The following KRT39 variants were observed in gnomAD, a reference collection of about 807,000 sequenced individuals.
The protein encoded by KRT39 is keratin, type I cytoskeletal 39.
In KRT39, 47 loss-of-function variants were observed where a neutral mutation model predicts 54.8. The observed-to-expected ratio is 0.86, with a 90% CI of 0.68 to 1.09. The LOEUF is 1.09. Ranked by LOEUF, KRT39 falls within the 50% of genes least tolerant of loss-of-function variation. The probability of loss-of-function intolerance (pLI) is 0.00; values close to 1 mark genes in which losing one functional copy is unlikely to be tolerated. For synonymous variants in KRT39, 207 were observed against 227.9 expected (o/e 0.91, Z 0.83); for missense variants, 580 against 598.5 (o/e 0.97, Z 0.32).
intron 1 of KRT39, among the ~76,000 whole-genome samples, chr17:40,966,067 A>ATGTGTGTGTG (rs71300040): frequency 6.8e-6 from 1 of 147,308 alleles, no homozygotes; most frequent in Non-Finnish European, 1.5e-5. Flanking sequence ...TTGTGTGTGT[A>ATGTGTGTGTG]TGTGTGTGTG....
Position 40,958,642 on chromosome 17 carries a change from G to T in KRT39, c.1435C>A (p.His479Asn). ...KDGKVISSYE[H>N]VQPCFIIRPA... ...CTGATGATGAAACAAGGCTGCACATGCTCGTAAGAAGAAATGACCTTCCCA... is the reference window on the plus strand; with the variant it reads ...CTGATGATGAAACAAGGCTGCACATTCTCGTAAGAAGAAATGACCTTCCCA... Residue 479 changes from histidine to asparagine, a missense_variant, in exon 7 of 7, where the codon CAT becomes AAT. His to Asn is a moderately conservative substitution (Grantham distance 68). Transcript: ENST00000355612. The T allele has an allele frequency of 6.2e-7, 1 of 1,613,668 alleles. No individual in the cohort carries two copies. The highest frequency in any genetic ancestry group is 8.5e-7 in the Non-Finnish European group (1 of 1,179,814).
rs747061295 is a variant in KRT39, at chr17:40,962,599, A to G, written c.709-36T>C. ...AAAAAGACTGTGAAGTCACTTGGTG[A>G]ACAGATAACCCCTTTGTGTTCTTGT... On this transcript the variant is annotated intron_variant, in intron 3 of 6. Coordinates refer to ENST00000355612, the MANE Select transcript of KRT39 (RefSeq NM_213656.4). 3.2e-6 allele frequency: 5 copies of G among 1,583,984 alleles called. No homozygotes were observed. In the South Asian group the frequency reaches 5.7e-5, roughly 18 times the overall value.
Position 40,960,280 on chromosome 17 carries a change from C to A in KRT39, c.1217+1G>T, listed in dbSNP as rs1302499976. 1 of 1,610,632 alleles carries A rather than the reference C, an allele frequency of 6.2e-7. No individual in the cohort carries two copies. Among genetic ancestry groups the A allele is most frequent in the African/African-American group, 1.3e-5 (1 of 74,884 alleles). ...ATAGAAGTTGCTGTTATTTTACATA[C>A]TTGCCATCCGAGCTCTCCAGAAGGC... is the stretch of plus-strand genomic sequence containing the variant. On this transcript the variant is annotated splice_donor_variant, in intron 6 of 6. Coordinates refer to ENST00000355612, the MANE Select transcript of KRT39 (RefSeq NM_213656.4). LOFTEE classifies it high-confidence loss of function.
rs370308197 is a variant in KRT39 at position 40,962,161 on chromosome 17, C to T, written c.996+1G>A. The T allele has an allele frequency of 1.7e-5, 27 of 1,613,934 alleles. No homozygotes were observed. The highest frequency in any genetic ancestry group is 1.9e-5 in the Non-Finnish European group (23 of 1,179,966). ...CTAGGCTTGGTCAGCTTGCTCAGTA[C>T]CATTCGATGCTGGGCCTGCAGTTCA... On this transcript the variant is annotated splice_donor_variant, in intron 5 of 6. Transcript: ENST00000355612. LOFTEE classifies it high-confidence loss of function.
At position 40,966,634 on chromosome 17, in the gene KRT39, T is replaced by C. The variant is rs769812224; in HGVS notation, c.223A>G (p.Asn75Asp). 1 of 1,614,198 alleles carries C rather than the reference T, an allele frequency of 6.2e-7. No individual in the cohort carries two copies. Among genetic ancestry groups the C allele is most frequent in the South Asian group, 1.1e-5 (1 of 91,080 alleles). ...TCCAGAGAAAAACGGGCATTGAAGTTGTTCATTAGGTAGATGGGCTTGCGA... is the reference window on the plus strand; with the variant it reads ...TCCAGAGAAAAACGGGCATTGAAGTCGTTCATTAGGTAGATGGGCTTGCGA... ...FCRKPIYLMN[N>D]FNARFSLDDC... Residue 75 changes from asparagine (N) to aspartate (D), a missense_variant, in exon 1 of 7, where the codon AAC (asparagine) becomes GAC (aspartate). Coordinates refer to ENST00000355612, the MANE Select transcript of KRT39 (RefSeq NM_213656.4).
At chr17:40,960,171 C>G in intron 6 of KRT39, 110 bp downstream of exon 6, 2 of 891,830 alleles carry the variant, frequency 2.2e-6, no homozygotes, top group Non-Finnish European at 3.6e-6. Flanking sequence ...AGCTCCCCAT[C>G]ACTGGCAAGA....
Position 40,958,850 on chromosome 17 carries a change from A to G in KRT39, c.1227T>C (p.Cys409=). The change falls in exon 7 of 7, where the codon TGT becomes TGC. Residue 409 remains cysteine (C), a synonymous_variant. Transcript: ENST00000355612. The stretch of plus-strand genomic sequence containing the variant: ...GCTCACATTTGGTGGCACGTGGGTA[A>G]CAGGGACGCCTAAGGAAAAAAAACA... ...LLESSDGKRP[C]YPRATKCEPS... 1 of 1,594,900 alleles carries G rather than the reference A, an allele frequency of 6.3e-7. No individual in the cohort carries two copies. Among genetic ancestry groups the G allele is most frequent in the East Asian group, 2.3e-5 (1 of 44,348 alleles).
rs767497741 is a variant in KRT39, at chr17:40,964,548, C to T, written c.469-20G>A. The stretch of plus-strand genomic sequence containing the variant: ...CAAGATCTAGAATTAAGAGATTGTA[C>T]ACACAAATGAAGCAAACACCAAGAT... On this transcript the variant is annotated intron_variant, in intron 1 of 6. Coordinates refer to ENST00000355612, the MANE Select transcript of KRT39 (RefSeq NM_213656.4). 2.5e-5 allele frequency: 39 copies of T among 1,538,994 alleles called. 1 individual carries two copies. The Admixed American group carries it at 6.5e-4, about 26-fold the overall frequency.
intron 5 of KRT39, among the ~76,000 whole-genome samples, chr17:40,961,315 T>C (rs1911143850): frequency 6.6e-6 from 1 of 152,226 alleles, no homozygotes; most frequent in Non-Finnish European, 1.5e-5. Context: ...TCTGTAAGTC[T>C]ATGGATAATG....
chr17:40,966,067 ATGTGTGTG>A (rs71300040), intron 1 of KRT39, among the ~76,000 whole-genome samples: 22 of 147,308 alleles, frequency 1.5e-4, no homozygotes, highest in Non-Finnish European at 2.9e-4. Flanking sequence ...TTGTGTGTGT[ATGTGTGTG>A]TGTGTGTGTG....
chr17:40,960,751 C>G (rs1472919276), intron 5 of KRT39: 2 of 562,628 alleles, frequency 3.6e-6, no homozygotes, highest in Non-Finnish European at 6.3e-6. Context: ...GTTTCACTTT[C>G]TCTTTCTTGA....
Position 40,962,455 on chromosome 17 carries a change from C to T in KRT39, c.817G>A (p.Glu273Lys). 1 of 1,614,216 alleles carries T rather than the reference C, an allele frequency of 6.2e-7. No individual in the cohort carries two copies. Among genetic ancestry groups the T allele is most frequent in the Non-Finnish European group, 8.5e-7 (1 of 1,180,040 alleles). ...QVLQEMRCQY[E>K]PIMETNRKDV... ...TTGCGGTTTGTCTCCATGATGGGCT[C>T]ATATTGACATCTCATTTCTTGTAGA... The change falls in exon 4 of 7, where the codon GAG (glutamate) becomes AAG (lysine). Residue 273 changes from glutamate to lysine, a missense_variant. By Grantham distance (56) the Glu-to-Lys change is moderately conservative. Transcript: ENST00000355612.
Position 40,962,304 on chromosome 17 carries a change from G to C in KRT39, c.871-17C>G, listed in dbSNP as rs1911186873. On this transcript the variant is annotated splice_polypyrimidine_tract_variant and intron_variant, in intron 4 of 6. Transcript: ENST00000355612. ...CTCCTCTATCTGAAACACACAGCCA[G>C]AGACTGAGAATATTATGGGAGGAAA... is the stretch of plus-strand genomic sequence containing the variant. 1.2e-6 allele frequency: 2 copies of C among 1,613,812 alleles called. No homozygotes were observed. The highest frequency in any genetic ancestry group is 2.2e-5 in the East Asian group (1 of 44,898).
In KRT39 at chr17:40,961,221, A is replaced by G. The variant is rs148565046; in HGVS notation, c.997-720T>C. The stretch of plus-strand genomic sequence containing the variant: ...GGAAGGAAGCAATGTTTTACCATAT[A>G]CAATTTATCCACCAGATCAATTCCT... On this transcript the variant is annotated intron_variant, in intron 5 of 6. Coordinates refer to ENST00000355612, the MANE Select transcript of KRT39 (RefSeq NM_213656.4). Among the ~76,000 whole-genome samples the G allele has an allele frequency of 4.4e-3, 668 of 152,296 alleles. 7 individuals carry two copies. The highest frequency in any genetic ancestry group is 0.016 in the African/African-American group (645 of 41,572).
At chr17:40,964,123 G>A in intron 2 of KRT39, 2 of 434,546 alleles carry the variant, frequency 4.6e-6, no homozygotes, top group Non-Finnish European at 4.1e-6. Context: ...TGCTAGTTAT[G>A]CTTACCTTTG....
chr17:40,963,726 CT>C lies in KRT39; in HGVS notation c.608del (p.Lys203SerfsTer4), dbSNP rs1176259413. ...QLVESDANGL[K>X]QILNVLTLGK... Reference sequence around the variant, plus strand: ...CCAGGGTCAGCACATTCAGGATCTGCTTGAGGCCATTGGCATCTGACTCTAC... The same window carrying C: ...CCAGGGTCAGCACATTCAGGATCTGCTGAGGCCATTGGCATCTGACTCTAC... On this transcript the variant is annotated frameshift_variant, in exon 3 of 7. Transcript: ENST00000355612. LOFTEE classifies it high-confidence loss of function. The C allele has an allele frequency of 9.3e-6, 15 of 1,609,726 alleles. No homozygotes were observed. In the East Asian group the frequency reaches 3.1e-4, roughly 34 times the overall value.
intron 2 of KRT39, chr17:40,964,156 A>G (rs1418844187): frequency 2.2e-6 from 1 of 455,972 alleles, no homozygotes; most frequent in African/African-American, 2.0e-5. Flanking sequence ...AGCCTCACTA[A>G]GCCACAGATT....
chr17:40,958,642 G>A lies in KRT39; in HGVS notation c.1435C>T (p.His479Tyr), dbSNP rs1910998506. 1.2e-6 allele frequency: 2 copies of A among 1,613,550 alleles called. No homozygotes were observed. Among genetic ancestry groups the A allele is most frequent in the African/African-American group, 2.7e-5 (2 of 74,902 alleles). ...KDGKVISSYEHVQPCFIIRPA... is the reference protein window; with the variant it reads ...KDGKVISSYEYVQPCFIIRPA... Reference sequence around the variant, plus strand: ...CTGATGATGAAACAAGGCTGCACATGCTCGTAAGAAGAAATGACCTTCCCA... The same window carrying A: ...CTGATGATGAAACAAGGCTGCACATACTCGTAAGAAGAAATGACCTTCCCA... The change falls in exon 7 of 7, where the codon CAT becomes TAT. Residue 479 changes from histidine (H) to tyrosine (Y), a missense_variant. Physicochemically the swap from His to Tyr is moderately conservative, Grantham distance 83. Coordinates refer to ENST00000355612, the MANE Select transcript of KRT39 (RefSeq NM_213656.4).
In KRT39 at chr17:40,958,610, G is replaced by A. The variant is rs1172496132; in HGVS notation, c.1467C>T (p.Ala489=). 1 of 1,606,768 alleles carries A rather than the reference G, an allele frequency of 6.2e-7. No individual in the cohort carries two copies. The highest frequency in any genetic ancestry group is 1.1e-5 in the South Asian group (1 of 89,380). ...HVQPCFIIRP[A]KV is the part of the protein sequence containing the mutation. ...TCATCACCTTGGGATGTTAGACTTT[G>A]GCAGGTCTGATGATGAAACAAGGCT... The change falls in exon 7 of 7, where the codon GCC becomes GCT. Residue 489 remains alanine (A), a synonymous_variant. Coordinates refer to ENST00000355612, the MANE Select transcript of KRT39 (RefSeq NM_213656.4).
Sources: gnomAD v4.1 joint callset for allele counts (sites outside exome capture counted in the v4.1 genomes callset) on GRCh38, gnomAD v4.1.1 for gene constraint, MANE v1.5 for transcripts, NCBI Gene and HGNC (gene_info 2026-07-23, HGNC 2026-07-21) for gene names.